The following BRI3BP variants were observed in gnomAD, a reference collection of about 807,000 sequenced individuals.
BRI3BP encodes BRI3 binding protein, also known as BRI3-binding protein.
BRI3BP carries 7 observed loss-of-function variants against 15.8 expected under a neutral mutation model. That is an observed-to-expected ratio of 0.44 (90% CI 0.25 to 0.83). The LOEUF is 0.83. Ranked by LOEUF, BRI3BP falls within the 40% of genes least tolerant of loss-of-function variation. BRI3BP has a pLI of 0.20. For missense variants in BRI3BP, 320 were observed against 339.3 expected, an observed-to-expected ratio of 0.94 and a Z score of 0.45; for synonymous variants, 192 against 163.5, an observed-to-expected ratio of 1.17 and a Z score of -1.33.
In BRI3BP at chr12:125,000,755, G is replaced by A. The variant is rs535236996; in HGVS notation, c.213+6752G>A. 2.8e-4 allele frequency among the ~76,000 whole-genome samples: 42 copies of A among 152,236 alleles called. No individual in the cohort carries two copies. The East Asian group carries it at 7.1e-3, about 26-fold the overall frequency. On this transcript the variant is annotated intron_variant, in intron 1 of 2. Transcript: ENST00000341446. ...AACTTTTTTCTCTGCAAACACATCC[G>A]ATAGACACATACACACATGCACACA...
Position 125,027,843 on chromosome 12 carries a change from A to G in BRI3BP, c.*2413A>G, listed in dbSNP as rs1955369907. 6.6e-6 allele frequency: 1 copy of G among 151,764 alleles called. No homozygotes were observed. The highest frequency in any genetic ancestry group is 1.5e-5 in the Non-Finnish European group (1 of 67,984). The allele number at this position is 151,764 out of a possible 1,614,324, so 9.4% of individuals were successfully genotyped here. On this transcript the variant is annotated 3_prime_UTR_variant, in exon 3 of 3. Coordinates refer to ENST00000341446, the MANE Select transcript of BRI3BP (RefSeq NM_080626.6). ...GCCGGGACTACAGGCGCCCACCATC[A>G]TGCCCGGCTAATTTTTTATATTTTT...
rs1459361802 is a variant in BRI3BP at position 125,029,986 on chromosome 12, G to A, written c.*4556G>A. On this transcript the variant is annotated 3_prime_UTR_variant, in exon 3 of 3. Transcript: ENST00000341446. ...GGGAGGGCTGCCTTGTAGAGAGGAT[G>A]TGAGCAGCTTAGTCGCTCATCTGGC... 2 of 152,274 alleles carry A rather than the reference G, an allele frequency of 1.3e-5. No individual in the cohort carries two copies. Among genetic ancestry groups the A allele is most frequent in the South Asian group, 2.1e-4 (1 of 4,840 alleles). The allele number at this position is 152,274 out of a possible 1,614,324, so 9.4% of individuals were successfully genotyped here.
At chr12:125,023,222 G>A (rs1378871323) in intron 2 of BRI3BP, among the ~76,000 whole-genome samples, 2 of 152,178 alleles carry the variant, frequency 1.3e-5, no homozygotes, top group Non-Finnish European at 2.9e-5. Context: ...GGGAGGTGGT[G>A]AGGCGGGTTT....
chr12:124,993,935 A>C lies in BRI3BP; in HGVS notation c.145A>C (p.Thr49Pro). Residue 49 changes from threonine (T) to proline (P), a missense_variant, in exon 1 of 3, where the codon ACG becomes CCG. Transcript: ENST00000341446. The part of the protein sequence containing the change: ...GGAEKNSYRR[T>P]VNTFSQSVSS... ...CGCGGAGAAGAACAGCTACCGCCGC[A>C]CGGTCAACACCTTCTCCCAGAGCGT... 1 of 1,355,578 alleles carries C rather than the reference A, an allele frequency of 7.4e-7. No homozygotes were observed. The highest frequency in any genetic ancestry group is 9.6e-7 in the Non-Finnish European group (1 of 1,041,962). The allele number at this position is 1,355,578 out of a possible 1,614,324, so 84.0% of individuals were successfully genotyped here. A position where few individuals can be genotyped will look rare whatever the true frequency, so the allele number is the denominator to read the frequency against.
chr12:125,030,769 C>T lies in BRI3BP; in HGVS notation c.*5339C>T, dbSNP rs756942540. 4.6e-5 allele frequency: 7 copies of T among 152,200 alleles called. No individual in the cohort carries two copies. Among genetic ancestry groups the T allele is most frequent in the Non-Finnish European group, 8.8e-5 (6 of 68,048 alleles). 9.4% of individuals were successfully genotyped at this position (152,200 alleles called of 1,614,324 possible). A position where few individuals can be genotyped will look rare whatever the true frequency, so the allele number is the denominator to read the frequency against. ...TGTGATGGTGATGGTGATTAGCACA[C>T]ACTAAAAACCCAATGAAGCAATTGT... On this transcript the variant is annotated 3_prime_UTR_variant, in exon 3 of 3. Transcript: ENST00000341446.
chr12:125,005,770 TG>T (rs1258450664), intron 1 of BRI3BP, among the ~76,000 whole-genome samples: 65 of 111,490 alleles, frequency 5.8e-4, no homozygotes, highest in East Asian at 1.5e-3. Context: ...AGAGCAAGAC[TG>T]TTTAAAAAAA....
chr12:125,042,463 A>T, the BRI3BP span, among the ~76,000 whole-genome samples: 1 of 150,330 alleles, frequency 6.7e-6, no homozygotes, highest in Non-Finnish European at 1.5e-5. Context: ...TTTAGGAACT[A>T]GGTTGTGAAT....
Position 125,025,448 on chromosome 12 carries a change from G to A in BRI3BP, c.*18G>A, listed in dbSNP as rs1208322097. On this transcript the variant is annotated 3_prime_UTR_variant, in exon 3 of 3. Transcript: ENST00000341446. Reference sequence around the variant, plus strand: ...ACAAGTGAAGGTCAGCCGGCCGGGCGGGTCCACAGTTACCAGCACGCTGTC... The same window carrying A: ...ACAAGTGAAGGTCAGCCGGCCGGGCAGGTCCACAGTTACCAGCACGCTGTC... 10 of 1,557,594 alleles carry A rather than the reference G, an allele frequency of 6.4e-6. No homozygotes were observed. Among genetic ancestry groups the A allele is most frequent in the South Asian group, 1.2e-5 (1 of 84,472 alleles).
chr12:124,996,782 G>T (rs1401381900), intron 1 of BRI3BP, among the ~76,000 whole-genome samples: 78 of 130,020 alleles, frequency 6.0e-4, no homozygotes, highest in African/African-American at 2.2e-3. Context: ...TTTCCGAGAT[G>T]GAGTATTGCT....
chr12:125,010,922 C>T (rs375496085), intron 1 of BRI3BP, among the ~76,000 whole-genome samples: 2 of 151,886 alleles, frequency 1.3e-5, no homozygotes, highest in African/African-American at 4.8e-5. Flanking sequence ...GGTGAAACCC[C>T]GTCTCTACTA....
chr12:125,041,987 TC>T, the BRI3BP span, among the ~76,000 whole-genome samples: 4 of 152,162 alleles, frequency 2.6e-5, no homozygotes, highest in Non-Finnish European at 5.9e-5. Flanking sequence ...AGCCACCACA[TC>T]CGGCCCTTTT....
chr12:125,009,814 G>T (rs377586933), intron 1 of BRI3BP, among the ~76,000 whole-genome samples: 33 of 152,112 alleles, frequency 2.2e-4, no homozygotes, highest in African/African-American at 7.2e-4. Flanking sequence ...TAGAATATTG[G>T]ACATCGGCCG....
chr12:125,024,971 T>G lies in BRI3BP; in HGVS notation c.317-20T>G. On this transcript the variant is annotated intron_variant, in intron 2 of 2. Coordinates refer to ENST00000341446, the MANE Select transcript of BRI3BP (RefSeq NM_080626.6). ...CTGGCCCCTGCGTAACGAGCCCTGT[T>G]CCTCTTTTCTGTCCCGCAGTCTCCA... 2 of 1,595,018 alleles carry G rather than the reference T, an allele frequency of 1.3e-6. No homozygotes were observed. The highest frequency in any genetic ancestry group is 1.7e-6 in the Non-Finnish European group (2 of 1,166,528).
intron 1 of BRI3BP, among the ~76,000 whole-genome samples, chr12:124,995,061 G>C (rs1421038374): frequency 6.6e-6 from 1 of 152,138 alleles, no homozygotes; most frequent in Non-Finnish European, 1.5e-5. Flanking sequence ...GAGAGGGAGT[G>C]GGGAATAGAA....
intron 2 of BRI3BP, among the ~76,000 whole-genome samples, chr12:125,024,235 CTTAA>C (rs961793857): frequency 6.8e-6 from 1 of 148,020 alleles, no homozygotes; most frequent in Non-Finnish European, 1.5e-5. Context: ...CTGCCAAACA[CTTAA>C]ACCATCAGAT....
intron 2 of BRI3BP, among the ~76,000 whole-genome samples, chr12:125,022,803 C>T (rs1205937006): frequency 6.6e-6 from 1 of 152,072 alleles, no homozygotes; most frequent in Admixed American, 6.6e-5. Flanking sequence ...TGGCATGAGC[C>T]ACCGTGCCCA....
intron 2 of BRI3BP, among the ~76,000 whole-genome samples, chr12:125,014,937 T>C (rs1292843582): frequency 6.6e-6 from 1 of 152,162 alleles, no homozygotes; most frequent in African/African-American, 2.4e-5. Flanking sequence ...TGGCTAATTT[T>C]TGAATTTTCT....
chr12:125,022,012 C>G (rs1296187415), intron 2 of BRI3BP, among the ~76,000 whole-genome samples: 1 of 143,800 alleles, frequency 7.0e-6, no homozygotes, highest in Non-Finnish European at 1.5e-5. Flanking sequence ...CCCAAAAGGT[C>G]AAGGCTGCAG....
At chr12:125,007,720 CAA>C (rs796727129) in intron 1 of BRI3BP, among the ~76,000 whole-genome samples, 22 of 128,946 alleles carry the variant, frequency 1.7e-4, no homozygotes, top group Non-Finnish European at 1.4e-4. Context: ...ACCCTGTCTC[CAA>C]AAAAAAAAAA....
Sources: gnomAD v4.1 joint callset for allele counts (sites outside exome capture counted in the v4.1 genomes callset) on GRCh38, gnomAD v4.1.1 for gene constraint, MANE v1.5 for transcripts, NCBI Gene and HGNC (gene_info 2026-07-23, HGNC 2026-07-21) for gene names.